The following ZNF385D variants were observed in gnomAD, a reference collection of about 807,000 sequenced individuals.
The protein encoded by ZNF385D is zinc finger protein 659.
In ZNF385D, 15 loss-of-function variants were observed where a neutral mutation model predicts 35.8. The observed-to-expected ratio is 0.42, with a 90% CI of 0.28 to 0.64. ZNF385D has a LOEUF of 0.64. ZNF385D is among the 30% of genes least tolerant of loss of function. The pLI is 0.23. For missense variants in ZNF385D, 474 were observed against 494.6 expected (o/e 0.96, Z 0.39); for synonymous variants, 212 against 186.8 (o/e 1.13, Z -1.10).
At position 22,112,024 on chromosome 3, in the gene ZNF385D, C is replaced by T. The variant is rs890178818; in HGVS notation, c.325+56793G>A. Among the ~76,000 whole-genome samples, 10 of 152,226 alleles carry T rather than the reference C, an allele frequency of 6.6e-5. No homozygotes were observed. In the East Asian group the frequency reaches 1.7e-3, roughly 26 times the overall value. ...TAAATTAATCAGACATTTTACCCTG[C>T]TCTACTCTAATCTTAAAGGACCACA... On this transcript the variant is annotated intron_variant, in intron 3 of 5. Transcript: ENST00000494108.
intron 2 of ZNF385D, among the ~76,000 whole-genome samples, chr3:22,202,932 G>T (rs1042555239): frequency 6.6e-6 from 1 of 152,032 alleles, no homozygotes. Flanking sequence ...AGTGTTTTGG[G>T]GTTCTAAATA....
chr3:22,198,257 A>G (rs980402001), intron 2 of ZNF385D, among the ~76,000 whole-genome samples: 9 of 152,104 alleles, frequency 5.9e-5, no homozygotes, highest in African/African-American at 2.2e-4. Flanking sequence ...TTAAAGATAA[A>G]GATTGTATAT....
At chr3:21,425,274 A>G (rs1291494832) in intron 6 of ZNF385D, among the ~76,000 whole-genome samples, 1 of 152,236 alleles carries the variant, frequency 6.6e-6, no homozygotes, top group Admixed American at 6.5e-5. Context: ...TCTAGAATCT[A>G]TTACATTTTA....
intron 3 of ZNF385D, among the ~76,000 whole-genome samples, chr3:22,120,404 T>C (rs186094450): frequency 2.0e-5 from 3 of 152,248 alleles, no homozygotes; most frequent in Admixed American, 1.3e-4. Context: ...ACCAGTCATG[T>C]TGGATTAAGG....
At chr3:21,828,509 C>T (rs1694795813) in intron 3 of ZNF385D, among the ~76,000 whole-genome samples, 1 of 152,168 alleles carries the variant, frequency 6.6e-6, no homozygotes. Context: ...CTATAACCTA[C>T]ATCATTTTGA....
At chr3:21,667,028 G>T (rs1245167323) in intron 1 of ZNF385D, among the ~76,000 whole-genome samples, 1 of 152,170 alleles carries the variant, frequency 6.6e-6, no homozygotes, top group African/African-American at 2.4e-5. Context: ...AGTAAGCCGA[G>T]ATCGCACCAC....
chr3:21,819,002 T>G (rs73144823), intron 3 of ZNF385D, among the ~76,000 whole-genome samples: 3,661 of 152,022 alleles, frequency 0.024, 163 homozygotes, highest in African/African-American at 0.084. Flanking sequence ...GGTAGAAAAC[T>G]GCATATAAAT....
At chr3:21,583,009 G>A (rs74482063) in intron 2 of ZNF385D, among the ~76,000 whole-genome samples, 55,167 of 151,752 alleles carry the variant, frequency 0.36, 10,175 homozygotes, top group Middle Eastern at 0.42. Flanking sequence ...CTCGTGATCT[G>A]CCCTCCTCGG....
At chr3:22,173,732 T>C (rs1694625240) in intron 2 of ZNF385D, among the ~76,000 whole-genome samples, 1 of 152,066 alleles carries the variant, frequency 6.6e-6, no homozygotes, top group African/African-American at 2.4e-5. Flanking sequence ...AATGACCTTC[T>C]CCTATCTTCT....
At chr3:21,892,156 G>A (rs1345736355) in intron 3 of ZNF385D, among the ~76,000 whole-genome samples, 1 of 152,146 alleles carries the variant, frequency 6.6e-6, no homozygotes, top group African/African-American at 2.4e-5. Context: ...ACAAGCAATG[G>A]AAATTAAAAC....
chr3:21,882,519 G>T (rs999153021), intron 3 of ZNF385D, among the ~76,000 whole-genome samples: 3 of 152,038 alleles, frequency 2.0e-5, no homozygotes, highest in African/African-American at 7.2e-5. Flanking sequence ...CAAAAAATGT[G>T]TGTGACTCTC....
At chr3:22,056,274 T>TAAAAAAAAAA (rs1180609438) in intron 3 of ZNF385D, among the ~76,000 whole-genome samples, 4 of 64,902 alleles carry the variant, frequency 6.2e-5, no homozygotes, top group Non-Finnish European at 1.0e-4. Flanking sequence ...TAGAGTATAA[T>TAAAAAAAAAA]AAAAAAAAAA....
chr3:21,717,707 A>G (rs2068378784), intron 1 of ZNF385D, among the ~76,000 whole-genome samples: 1 of 152,106 alleles, frequency 6.6e-6, no homozygotes, highest in African/African-American at 2.4e-5. Context: ...GAGATCTGAT[A>G]GTTTTATAAA....
chr3:21,608,033 T>G (rs1195332450), intron 2 of ZNF385D, among the ~76,000 whole-genome samples: 2 of 64,126 alleles, frequency 3.1e-5, no homozygotes, highest in Admixed American at 2.2e-4. Flanking sequence ...GTTTTTTTTT[T>G]TTGAGTCTTG....
At chr3:21,613,396 G>C (rs1009235491) in intron 2 of ZNF385D, among the ~76,000 whole-genome samples, 2 of 150,990 alleles carry the variant, frequency 1.3e-5, no homozygotes, top group African/African-American at 4.9e-5. Flanking sequence ...TTATTTTTTT[G>C]GCGGTTTTAG....
intron 2 of ZNF385D, among the ~76,000 whole-genome samples, chr3:21,616,167 T>C (rs902884793): frequency 1.3e-5 from 2 of 152,106 alleles, no homozygotes; most frequent in African/African-American, 4.8e-5. Context: ...AAAACCAGTC[T>C]AATAGTAATC....
chr3:21,630,780 A>T (rs528357561), intron 2 of ZNF385D, among the ~76,000 whole-genome samples: 7 of 152,240 alleles, frequency 4.6e-5, no homozygotes, highest in Admixed American at 4.6e-4. Flanking sequence ...ATCCATCACT[A>T]ATATCTATTG....
Position 21,624,675 on chromosome 3 carries a change from A to G in ZNF385D, c.165+40211T>C, listed in dbSNP as rs190439867. On this transcript the variant is annotated intron_variant, in intron 2 of 7. Coordinates refer to ENST00000281523, the MANE Select transcript of ZNF385D (RefSeq NM_024697.3). The stretch of plus-strand genomic sequence containing the variant: ...AAGGAAACCATTACTCCACCCTTTT[A>G]CCCACCAAGCTCAGAAGACCCAACT... Among the ~76,000 whole-genome samples, 44 of 152,030 alleles carry G rather than the reference A, an allele frequency of 2.9e-4. 1 individual carries two copies. In the East Asian group the frequency reaches 8.4e-3, roughly 29 times the overall value.
chr3:22,138,044 C>A (rs1704260660), intron 3 of ZNF385D, among the ~76,000 whole-genome samples: 1 of 152,174 alleles, frequency 6.6e-6, no homozygotes, highest in Admixed American at 6.5e-5. Context: ...AGAGCCAAAT[C>A]ATGAGTGAAC....
Sources: allele counts gnomAD v4.1 joint callset (sites outside exome capture counted in the v4.1 genomes callset), GRCh38; gene constraint gnomAD v4.1.1; transcripts MANE v1.5; gene names NCBI Gene and HGNC (gene_info 2026-07-23, HGNC 2026-07-21).